Variants in UPRT observed in about 807,000 individuals in gnomAD.
The protein encoded by UPRT is uracil phosphoribosyltransferase homolog, also known as RP11-311P8.3.
UPRT carries 5 observed loss-of-function variants against 22.6 expected under a neutral mutation model. The ratio of observed to expected loss-of-function variants is 0.22; its 90% CI spans 0.12 to 0.47. The LOEUF is 0.47. Among genes scored for constraint, UPRT ranks in the 20% least tolerant of loss-of-function variants. UPRT has a pLI of 0.99. For synonymous variants in UPRT, 77 were observed against 87.7 expected, an observed-to-expected ratio of 0.88 and a Z score of 0.68; for missense variants, 181 against 239.9, an observed-to-expected ratio of 0.75 and a Z score of 1.62.
chrX:75,297,699 G>A, intron 4 of UPRT, 146 bp downstream of exon 4: 2 of 649,518 alleles, frequency 3.1e-6, no homozygotes, highest in Non-Finnish European at 4.9e-6. Flanking sequence ...TCATGGTGCT[G>A]TGGAGTCATG....
At chrX:75,267,100 AG>A (rs745922062) in intron 4 of UPRT, among the ~76,000 whole-genome samples, 1 of 111,968 alleles carries the variant, frequency 8.9e-6, no homozygotes, top group Non-Finnish European at 1.9e-5. Flanking sequence ...ATATACCCAA[AG>A]GATTATAAAT....
intron 4 of UPRT, among the ~76,000 whole-genome samples, chrX:75,190,212 T>G (rs375863130): frequency 8.9e-6 from 1 of 111,734 alleles, no homozygotes; most frequent in Non-Finnish European, 1.9e-5. Context: ...GTCTGTAAAG[T>G]ATTTTATTTC....
intron 4 of UPRT, chrX:75,201,676 GAC>G (rs759163713): frequency 8.7e-6 from 1 of 115,347 alleles, no homozygotes; most frequent in East Asian, 2.8e-4. Flanking sequence ...TGTGCCTTCA[GAC>G]ATGGAACACC....
intron 4 of UPRT, among the ~76,000 whole-genome samples, chrX:75,193,157 C>T (rs1215234965): frequency 8.9e-6 from 1 of 111,840 alleles, no homozygotes. Context: ...TAAGGCAGTA[C>T]TGGTAGTAAT....
At chrX:75,264,406 C>A (rs1390427402) in intron 4 of UPRT, among the ~76,000 whole-genome samples, 2 of 111,469 alleles carry the variant, frequency 1.8e-5, no homozygotes, top group Non-Finnish European at 3.8e-5. Flanking sequence ...TCTGGGTGCT[C>A]CTGTATTGGG....
intron 4 of UPRT, among the ~76,000 whole-genome samples, chrX:75,180,279 G>A (rs1314677000): frequency 8.9e-6 from 1 of 112,120 alleles, no homozygotes; most frequent in Non-Finnish European, 1.9e-5. Flanking sequence ...TGGCTTCCCT[G>A]GGGACCCAGA....
At chrX:75,210,130 C>T (rs916160683) in intron 4 of UPRT, among the ~76,000 whole-genome samples, 8 of 111,616 alleles carry the variant, frequency 7.2e-5, no homozygotes, top group African/African-American at 2.0e-4. Flanking sequence ...TTTATGACAG[C>T]TAGGAGGCTT....
chrX:75,185,510 T>C (rs1373485828), intron 4 of UPRT, among the ~76,000 whole-genome samples: 1 of 112,039 alleles, frequency 8.9e-6, no homozygotes, highest in East Asian at 2.8e-4. Context: ...TGTCTGGCTT[T>C]GGTATCAGAA....
At chrX:75,188,454 T>A (rs559212524) in intron 4 of UPRT, among the ~76,000 whole-genome samples, 27 of 112,413 alleles carry the variant, frequency 2.4e-4, no homozygotes, top group African/African-American at 8.7e-4. Context: ...TTTAAGTCTG[T>A]AGAGGTTACT....
At chrX:75,200,329 C>G (rs2082344069) in intron 4 of UPRT, among the ~76,000 whole-genome samples, 3 of 112,479 alleles carry the variant, frequency 2.7e-5, no homozygotes, top group Non-Finnish European at 5.6e-5. Context: ...CATGGTGGCT[C>G]TTGCCTGTAA....
chrX:75,235,111 C>A (rs1363853918), intron 4 of UPRT, among the ~76,000 whole-genome samples: 1 of 111,618 alleles, frequency 9.0e-6, no homozygotes, highest in Non-Finnish European at 1.9e-5. Context: ...TATATCACCA[C>A]CAATCCCACA....
At chrX:75,200,281 G>C (rs60240846) in intron 4 of UPRT, among the ~76,000 whole-genome samples, 3,238 of 112,240 alleles carry the variant, frequency 0.029, 116 homozygotes, top group African/African-American at 0.1. Flanking sequence ...GTGCTACAAG[G>C]TACATATTGC....
chrX:75,252,506 C>T (rs1400284031), intron 4 of UPRT, among the ~76,000 whole-genome samples: 1 of 112,213 alleles, frequency 8.9e-6, no homozygotes, highest in Non-Finnish European at 1.9e-5. Context: ...CATCTCACAC[C>T]AGTTAGAATG....
At position 75,297,519 on chromosome X, in the gene UPRT, G is replaced by A; in HGVS notation, c.528G>A (p.Glu176=). 1.7e-6 allele frequency: 2 copies of A among 1,211,912 alleles called. No individual in the cohort carries two copies. The highest frequency in any genetic ancestry group is 2.2e-6 in the Non-Finnish European group (2 of 895,499). ...ACAAGTATGAAGGAGTGAAATTTGA[G>A]AAGGGAAATTGTGGGGTCAGCATAA... The part of the protein sequence containing the change: ...TGYKYEGVKF[E]KGNCGVSIMR... Residue 176 remains glutamate (E), a synonymous_variant, in exon 4 of 7, where the codon GAG becomes GAA. Coordinates refer to ENST00000373383, the MANE Select transcript of UPRT (RefSeq NM_145052.4).
At chrX:75,225,933 C>T (rs2082422842) in intron 4 of UPRT, among the ~76,000 whole-genome samples, 1 of 111,576 alleles carries the variant, frequency 9.0e-6, no homozygotes, top group African/African-American at 3.3e-5. Context: ...AACATCTCCA[C>T]TCAGATATCT....
chrX:75,248,829 A>C lies in UPRT; in HGVS notation c.-446-42195A>C, dbSNP rs772325007. Among the ~76,000 whole-genome samples, 3 of 112,163 alleles carry C rather than the reference A, an allele frequency of 2.7e-5. No homozygotes were observed. In the East Asian group the frequency reaches 8.4e-4, roughly 31 times the overall value. On this transcript the variant is annotated intron_variant, in intron 4 of 13. Transcript: ENST00000652605. ...AGAGAGAAAGGTCGGGTTATCCACA[A>C]AGGGAAGCCCATCAGACTACCAGCT...
chrX:75,267,043 A>T (rs916242779), intron 4 of UPRT, among the ~76,000 whole-genome samples: 2 of 111,449 alleles, frequency 1.8e-5, no homozygotes, highest in Non-Finnish European at 3.8e-5. Context: ...TTCGTCAAGG[A>T]TCTAGAACTA....
chrX:75,228,462 C>G (rs890116892), intron 4 of UPRT, among the ~76,000 whole-genome samples: 1 of 111,589 alleles, frequency 9.0e-6, no homozygotes, highest in African/African-American at 3.3e-5. Context: ...TAGATTTGGC[C>G]TTCCTTGACT....
chrX:75,203,501 C>T (rs2082353786), intron 4 of UPRT, among the ~76,000 whole-genome samples: 1 of 102,786 alleles, frequency 9.7e-6, no homozygotes, highest in African/African-American at 4.0e-5. Context: ...CACACACACA[C>T]ACACACACAC....
Sources: gnomAD v4.1 joint callset for allele counts (sites outside exome capture counted in the v4.1 genomes callset) on GRCh38, gnomAD v4.1.1 for gene constraint, MANE v1.5 for transcripts, NCBI Gene and HGNC (gene_info 2026-07-23, HGNC 2026-07-21) for gene names.